Variants in IL3RA observed in about 807,000 individuals in gnomAD.
The protein encoded by IL3RA is interleukin-3 receptor subunit alpha.
IL3RA carries 73 observed loss-of-function variants against 52.3 expected under a neutral mutation model. The observed-to-expected ratio is 1.40, with a 90% CI of 1.16 to 1.70. The LOEUF is 1.70. Ranked by LOEUF, IL3RA falls within the 40% of genes most tolerant of loss-of-function variation. The probability of loss-of-function intolerance (pLI) is 0.00; values close to 1 mark genes in which losing one functional copy is unlikely to be tolerated. For synonymous variants in IL3RA, 260 were observed against 194.0 expected, an observed-to-expected ratio of 1.34 and a Z score of -2.83; for missense variants, 664 against 504.4, an observed-to-expected ratio of 1.32 and a Z score of -3.03.
chrX:1,378,626 C>G (rs1225570650), intron 9 of IL3RA, 33 bp from the exon 10 acceptor site: 1 of 1,587,246 alleles, frequency 6.3e-7, no homozygotes, highest in East Asian at 2.2e-5. Flanking sequence ...AGGACGGCCC[C>G]CGGTCTGTGA....
At position 1,365,355 on chromosome X, in the gene IL3RA, A is replaced by C. The variant is rs1302197978; in HGVS notation, c.874+103A>C. ...CGGGGTGCGCGGGGTGAGCGGGGTG[A>C]GCGGGGTGAGCCGGGTGCGCGGGGT... On this transcript the variant is annotated intron_variant, in intron 9 of 11. Coordinates refer to ENST00000331035, the MANE Select transcript of IL3RA (RefSeq NM_002183.4). The C allele has an allele frequency of 3.1e-3, 844 of 270,652 alleles. 11 individuals carry two copies. Among genetic ancestry groups the C allele is most frequent in the South Asian group, 0.011 (199 of 18,034 alleles). The allele number at this position is 270,652 out of a possible 1,614,324, so 16.8% of individuals were successfully genotyped here.
chrX:1,354,058 C>T (rs1247358567), intron 6 of IL3RA, among the ~76,000 whole-genome samples: 1 of 145,050 alleles, frequency 6.9e-6, no homozygotes, highest in African/African-American at 2.6e-5. Flanking sequence ...ATGGGTCCCA[C>T]CATGGGTCAT....
chrX:1,353,345 C>T (rs1360808610), intron 6 of IL3RA, among the ~76,000 whole-genome samples: 1 of 129,504 alleles, frequency 7.7e-6, no homozygotes, highest in Non-Finnish European at 1.6e-5. Context: ...TCATGGGTCC[C>T]ATCATGAGTC....
Position 1,381,420 on chromosome X carries a change from G to A in IL3RA, c.1062+316G>A, listed in dbSNP as rs2089171501. ...GGACTAGGAGGCTGGACACCTGTCT[G>A]CTGGCGCTGGTGGGCGGCTGGGAAA... is the stretch of plus-strand genomic sequence containing the variant. On this transcript the variant is annotated intron_variant, in intron 11 of 11. Coordinates refer to ENST00000331035, the MANE Select transcript of IL3RA (RefSeq NM_002183.4). Among the ~76,000 whole-genome samples, 3 of 152,120 alleles carry A rather than the reference G, an allele frequency of 2.0e-5. 1 individual carries two copies. In the South Asian group the frequency reaches 6.2e-4, roughly 32 times the overall value.
rs775534513 is a variant in IL3RA at position 1,347,777 on chromosome X, G to T, written c.184-654G>T. Among the ~76,000 whole-genome samples the T allele has an allele frequency of 6.1e-4, 92 of 152,018 alleles. 3 individuals carry two copies. The highest frequency in any genetic ancestry group is 2.8e-3 in the Admixed American group (43 of 15,242). On this transcript the variant is annotated intron_variant, in intron 3 of 11. Coordinates refer to ENST00000331035, the MANE Select transcript of IL3RA (RefSeq NM_002183.4). ...ATTGTGGCCGGGCGCGGTGGCTCAC[G>T]CCTGTCATCCCAGCACTTTGGGAGG...
rs17884601 is a variant in IL3RA at position 1,380,920 on chromosome X, C to G, written c.981-103C>G. ...GACCCCTCGAGTAGATGACTTGAGT[C>G]TTTTGCTCTGTCCTGGCACTGTCTG... On this transcript the variant is annotated intron_variant, in intron 10 of 11. Transcript: ENST00000331035. The G allele has an allele frequency of 9.2e-6, 9 of 980,806 alleles. No individual in the cohort carries two copies. In the African/African-American group the frequency reaches 1.3e-4, roughly 14 times the overall value. The allele number at this position is 980,806 out of a possible 1,614,324, so 60.8% of individuals were successfully genotyped here.
At chrX:1,349,141 G>A (rs1435520070) in intron 4 of IL3RA, among the ~76,000 whole-genome samples, 2 of 151,446 alleles carry the variant, frequency 1.3e-5, no homozygotes, top group Admixed American at 6.6e-5. Flanking sequence ...CCACGTAGGT[G>A]GAACTACACC....
At chrX:1,337,546 A>G (rs1474027077) in intron 1 of IL3RA, among the ~76,000 whole-genome samples, 6 of 150,268 alleles carry the variant, frequency 4.0e-5, no homozygotes, top group Non-Finnish European at 5.9e-5. Flanking sequence ...TATAATGTCC[A>G]TCCACACAGT....
chrX:1,346,354 G>A (rs1230152423), intron 3 of IL3RA, among the ~76,000 whole-genome samples: 3 of 151,914 alleles, frequency 2.0e-5, no homozygotes, highest in South Asian at 2.1e-4. Flanking sequence ...CAGGAGAATC[G>A]CTTGAACCCG....
intron 8 of IL3RA, among the ~76,000 whole-genome samples, chrX:1,363,769 G>C (rs1358398613): frequency 6.6e-6 from 1 of 152,176 alleles, no homozygotes; most frequent in East Asian, 1.9e-4. Context: ...ACCCACGCTA[G>C]AGTGCAGTGG....
At position 1,382,587 on chromosome X, in the gene IL3RA, GGCATGGGAGAT is replaced by G; in HGVS notation, c.*125_*135del. On this transcript the variant is annotated 3_prime_UTR_variant, in exon 12 of 12. Coordinates refer to ENST00000331035, the MANE Select transcript of IL3RA (RefSeq NM_002183.4). The stretch of plus-strand genomic sequence containing the variant: ...GAATGGACATTCCTAACGGGTGGTG[GGCATGGGAGAT>G]GCCTGTGTAATTTCGTCCGAAGCTG... 1 of 861,558 alleles carries G rather than the reference GGCATGGGAGAT, an allele frequency of 1.2e-6. No individual in the cohort carries two copies. The highest frequency in any genetic ancestry group is 2.0e-6 in the Non-Finnish European group (1 of 506,202). The allele number at this position is 861,558 out of a possible 1,614,324, so 53.4% of individuals were successfully genotyped here. A position where few individuals can be genotyped will look rare whatever the true frequency, so the allele number is the denominator to read the frequency against.
At chrX:1,365,430 G>C (rs1289807965) in intron 9 of IL3RA, among the ~76,000 whole-genome samples, 178 bp downstream of exon 9, 4 of 59,408 alleles carry the variant, frequency 6.7e-5, no homozygotes, top group Admixed American at 4.8e-4. Flanking sequence ...CGGGGTGAGC[G>C]GGGTGCGCGG....
chrX:1,359,846 C>T (rs58523724), intron 8 of IL3RA, among the ~76,000 whole-genome samples: 1 of 149,142 alleles, frequency 6.7e-6, no homozygotes, highest in Non-Finnish European at 1.5e-5. Context: ...CTGTCTCCCC[C>T]CTCCCCATCT....
chrX:1,366,645 A>C (rs1380346965), intron 9 of IL3RA, among the ~76,000 whole-genome samples: 7 of 10,880 alleles, frequency 6.4e-4, no homozygotes, highest in Admixed American at 9.8e-4. Context: ...GCGCGGGGTG[A>C]GCGGGGTGAG....
At chrX:1,347,305 G>A (rs1456598580) in intron 3 of IL3RA, among the ~76,000 whole-genome samples, 1 of 151,042 alleles carries the variant, frequency 6.6e-6, no homozygotes, top group African/African-American at 2.5e-5. Flanking sequence ...TTAGCCGGGC[G>A]TGGTGGCTGG....
chrX:1,342,661 A>G (rs1715827193), intron 2 of IL3RA, among the ~76,000 whole-genome samples: 1 of 149,872 alleles, frequency 6.7e-6, no homozygotes, highest in Non-Finnish European at 1.5e-5. Context: ...GCTGGGTTCA[A>G]TTGATTCTCC....
intron 2 of IL3RA, among the ~76,000 whole-genome samples, chrX:1,344,704 T>A (rs1434410566): frequency 1.4e-5 from 2 of 143,636 alleles, no homozygotes; most frequent in African/African-American, 5.2e-5. Context: ...ACCCGGGAGG[T>A]AGAGGTTGCG....
intron 2 of IL3RA, among the ~76,000 whole-genome samples, chrX:1,344,074 G>A (rs1369123358): frequency 4.6e-5 from 7 of 152,020 alleles, no homozygotes; most frequent in Admixed American, 4.6e-4. Context: ...GATGACGGGC[G>A]TGAGCCACCA....
rs17883950 is a variant in IL3RA at position 1,353,610 on chromosome X, C to A, written c.616+1104C>A. ...CCACATGGGATCCCCCATCATAGGT[C>A]CCATCATGGGTCATGGGACCCCCCC... is the stretch of plus-strand genomic sequence containing the variant. On this transcript the variant is annotated intron_variant, in intron 6 of 11. Coordinates refer to ENST00000331035, the MANE Select transcript of IL3RA (RefSeq NM_002183.4). 3.8e-4 allele frequency among the ~76,000 whole-genome samples: 21 copies of A among 54,570 alleles called. 3 individuals carry two copies. The East Asian group carries it at 6.7e-3, about 17-fold the overall frequency. The allele number at this position is 54,570 out of a possible 152,430, so 35.8% of individuals were successfully genotyped here.
Sources: gnomAD v4.1 joint callset for allele counts (sites outside exome capture counted in the v4.1 genomes callset) on GRCh38, gnomAD v4.1.1 for gene constraint, MANE v1.5 for transcripts, NCBI Gene and HGNC (gene_info 2026-07-23, HGNC 2026-07-21) for gene names.